The following EFHD1 variants were observed in gnomAD, a reference collection of about 807,000 sequenced individuals.
The protein encoded by EFHD1 is EF-hand domain-containing protein D1.
A neutral mutation model predicts 17.2 loss-of-function variants in EFHD1; 10 were observed. The ratio of observed to expected loss-of-function variants is 0.58; its 90% CI spans 0.36 to 0.99. The LOEUF is 0.99. Ranked by LOEUF, EFHD1 falls within the 50% of genes least tolerant of loss-of-function variation. The probability of loss-of-function intolerance (pLI) is 0.01; values close to 1 mark genes in which losing one functional copy is unlikely to be tolerated. For missense variants in EFHD1, 310 were observed against 327.5 expected (o/e 0.95, Z 0.41); for synonymous variants, 153 against 142.0 (o/e 1.08, Z -0.55).
intron 1 of EFHD1, among the ~76,000 whole-genome samples, chr2:232,645,617 G>A (rs796372010): frequency 3.9e-5 from 6 of 152,230 alleles, no homozygotes; most frequent in African/African-American, 1.2e-4. Flanking sequence ...CTCTAAATGC[G>A]TCGTGCCTCT....
intron 1 of EFHD1, among the ~76,000 whole-genome samples, chr2:232,652,003 C>T (rs1444341222): frequency 6.6e-6 from 1 of 152,180 alleles, no homozygotes; most frequent in Non-Finnish European, 1.5e-5. Context: ...GCTGGGGGTC[C>T]TCCTTGGGCC....
rs565042207 is a variant in EFHD1, at chr2:232,658,922, A to T, written c.303-3880A>T. ...TTATATCTCAGTAAAGCTGTTTTTTAAAAAAAACTTAGAAAACAGGGAAGT... is the reference window on the plus strand; with the variant it reads ...TTATATCTCAGTAAAGCTGTTTTTTTAAAAAAACTTAGAAAACAGGGAAGT... On this transcript the variant is annotated intron_variant, in intron 1 of 3. Transcript: ENST00000264059. 1.9e-3 allele frequency among the ~76,000 whole-genome samples: 284 copies of T among 152,102 alleles called. 2 individuals carry two copies. Among genetic ancestry groups the T allele is most frequent in the African/African-American group, 5.3e-3 (218 of 41,498 alleles).
chr2:232,608,464 T>C (rs1693758648), intron 1 of EFHD1, among the ~76,000 whole-genome samples: 1 of 152,234 alleles, frequency 6.6e-6, no homozygotes, highest in African/African-American at 2.4e-5. Flanking sequence ...GTAAATGCTA[T>C]GTAGATAGTT....
upstream of EFHD1, among the ~76,000 whole-genome samples, chr2:232,632,194 A>G (rs950112789): frequency 1.3e-5 from 2 of 152,326 alleles, no homozygotes; most frequent in Admixed American, 6.5e-5. Context: ...TTGCCATTGT[A>G]TATGTAAAAC....
At chr2:232,658,473 C>T (rs114517583) in intron 1 of EFHD1, among the ~76,000 whole-genome samples, 1,793 of 152,232 alleles carry the variant, frequency 0.012, 41 homozygotes, top group African/African-American at 0.041. Context: ...TTGACAGTAA[C>T]GTTTCACAAC....
At chr2:232,609,049 A>C (rs970069222) in intron 1 of EFHD1, among the ~76,000 whole-genome samples, 4 of 146,538 alleles carry the variant, frequency 2.7e-5, no homozygotes, top group African/African-American at 1.0e-4. Flanking sequence ...TGAGATGCAT[A>C]AGTTCTTTTT....
intron 1 of EFHD1, among the ~76,000 whole-genome samples, chr2:232,660,682 C>A (rs982209190): frequency 6.6e-6 from 1 of 151,332 alleles, no homozygotes; most frequent in African/African-American, 2.4e-5. Flanking sequence ...ATGCACTTAA[C>A]ATAAAATTGA....
At position 232,660,560 on chromosome 2, in the gene EFHD1, C is replaced by T. The variant is rs539843164; in HGVS notation, c.303-2242C>T. ...TGCCCAGGCTGAATGCAATCAAACT[C>T]CTGGGCTCAAGTGACCATCCCACCC... On this transcript the variant is annotated intron_variant, in intron 1 of 3. Coordinates refer to ENST00000264059, the MANE Select transcript of EFHD1 (RefSeq NM_025202.4). Among the ~76,000 whole-genome samples the T allele has an allele frequency of 2.6e-5, 4 of 152,208 alleles. No individual in the cohort carries two copies. In the South Asian group the frequency reaches 8.3e-4, roughly 32 times the overall value.
chr2:232,608,618 T>C (rs1693760845), intron 1 of EFHD1, among the ~76,000 whole-genome samples: 1 of 152,104 alleles, frequency 6.6e-6, no homozygotes, highest in African/African-American at 2.4e-5. Flanking sequence ...TGATCAGCAT[T>C]GCAAAGAGAG....
At chr2:232,677,207 TACACACACACAC>T (rs61607311) in intron 3 of EFHD1, among the ~76,000 whole-genome samples, 13 of 131,360 alleles carry the variant, frequency 9.9e-5, no homozygotes, top group Non-Finnish European at 1.3e-4. Context: ...ACCCCATCTC[TACACACACACAC>T]ACACACACAC....
Position 232,625,597 on chromosome 2 carries a change from GGTTA to G in EFHD1, c.14+19429_14+19432del, listed in dbSNP as rs1186028525. ...CCTTGAATGTCCACCAACAGGGACA[GGTTA>G]GTTAACGGATGCTACACACAGAGAA... On this transcript the variant is annotated intron_variant, in intron 1 of 3. Transcript: ENST00000409613. Among the ~76,000 whole-genome samples the G allele has an allele frequency of 3.3e-5, 5 of 152,154 alleles. No individual in the cohort carries two copies. In the East Asian group the frequency reaches 7.7e-4, roughly 23 times the overall value.
At chr2:232,648,056 A>G (rs1464486501) in intron 1 of EFHD1, among the ~76,000 whole-genome samples, 1 of 152,168 alleles carries the variant, frequency 6.6e-6, no homozygotes, top group Non-Finnish European at 1.5e-5. Context: ...CCTGAGCAAC[A>G]TGGCGAAACT....
intron 1 of EFHD1, among the ~76,000 whole-genome samples, chr2:232,612,365 T>A (rs1474255567): frequency 6.6e-6 from 1 of 152,130 alleles, no homozygotes; most frequent in Non-Finnish European, 1.5e-5. Flanking sequence ...ATATTCACAA[T>A]CTATGTATCT....
chr2:232,622,379 G>T (rs1332687313), intron 1 of EFHD1, among the ~76,000 whole-genome samples: 1 of 149,450 alleles, frequency 6.7e-6, no homozygotes, highest in Non-Finnish European at 1.5e-5. Flanking sequence ...TGAGGCAGGA[G>T]AATTGCTTGA....
chr2:232,645,711 C>G (rs761411744), intron 1 of EFHD1, among the ~76,000 whole-genome samples: 21 of 152,298 alleles, frequency 1.4e-4, no homozygotes, highest in Non-Finnish European at 2.5e-4. Flanking sequence ...CAGGGCTGTG[C>G]TTAGCGATTT....
At chr2:232,641,637 T>C (rs1285389061) in intron 1 of EFHD1, among the ~76,000 whole-genome samples, 1 of 152,242 alleles carries the variant, frequency 6.6e-6, no homozygotes, top group African/African-American at 2.4e-5. Flanking sequence ...ACAGGCAATA[T>C]GCAAATGGCA....
Position 232,619,023 on chromosome 2 carries a change from T to C in EFHD1, c.14+12850T>C, listed in dbSNP as rs184561124. ...AATTAGCCAGGCATGGTGGCAGGCA[T>C]CTGTAATCCCAGCTACTCCGGAGGC... On this transcript the variant is annotated intron_variant, in intron 1 of 3. Transcript: ENST00000409613. Among the ~76,000 whole-genome samples the C allele has an allele frequency of 5.4e-3, 817 of 151,514 alleles. 8 individuals are homozygous for C. The highest frequency in any genetic ancestry group is 0.018 in the African/African-American group (744 of 41,262).
chr2:232,680,114 A>C (rs185523966), intron 3 of EFHD1, among the ~76,000 whole-genome samples: 1 of 152,214 alleles, frequency 6.6e-6, no homozygotes, highest in African/African-American at 2.4e-5. Flanking sequence ...CTCTACTAAA[A>C]ATACAAAAAT....
intron 1 of EFHD1, among the ~76,000 whole-genome samples, chr2:232,624,021 G>T (rs1332911386): frequency 6.6e-6 from 1 of 152,186 alleles, no homozygotes; most frequent in Admixed American, 6.5e-5. Flanking sequence ...AAGGGCATGG[G>T]TGGGGACAAG....
Sources: gnomAD v4.1 joint callset for allele counts (sites outside exome capture counted in the v4.1 genomes callset) on GRCh38, gnomAD v4.1.1 for gene constraint, MANE v1.5 for transcripts, NCBI Gene and HGNC (gene_info 2026-07-23, HGNC 2026-07-21) for gene names.